Variants in SERGEF observed in about 807,000 individuals in gnomAD.
SERGEF encodes secretion-regulating guanine nucleotide exchange factor.
SERGEF carries 51 observed loss-of-function variants against 50.0 expected under a neutral mutation model. That is an observed-to-expected ratio of 1.02 (90% CI 0.81 to 1.29). SERGEF has a LOEUF of 1.29. Among genes scored for constraint, SERGEF ranks in the 50% most tolerant of loss-of-function variants. The pLI is 0.00. For synonymous variants in SERGEF, 205 were observed against 212.4 expected (o/e 0.97, Z 0.30); for missense variants, 521 against 557.0 (o/e 0.94, Z 0.65).
chr11:17,858,947 C>A (rs1209396733), intron 10 of SERGEF, among the ~76,000 whole-genome samples: 1 of 152,016 alleles, frequency 6.6e-6, no homozygotes, highest in Non-Finnish European at 1.5e-5. Flanking sequence ...GAATAAATAC[C>A]CTGACCTCGT....
chr11:17,945,981 A>G (rs1852651711), intron 9 of SERGEF, among the ~76,000 whole-genome samples: 2 of 152,120 alleles, frequency 1.3e-5, no homozygotes, highest in Non-Finnish European at 2.9e-5. Flanking sequence ...TCCACCTCAA[A>G]AAAACAAAAA....
At chr11:17,992,290 T>C (rs958592971) in intron 7 of SERGEF, among the ~76,000 whole-genome samples, 3 of 152,016 alleles carry the variant, frequency 2.0e-5, no homozygotes, top group Non-Finnish European at 4.4e-5. Context: ...AGATTAGATA[T>C]TACAAAGATT....
chr11:17,839,898 G>A (rs2133861508), intron 10 of SERGEF, among the ~76,000 whole-genome samples: 1 of 152,356 alleles, frequency 6.6e-6, no homozygotes, highest in South Asian at 2.1e-4. Context: ...GCTAGAAGAG[G>A]TGGAGCTGAG....
At chr11:17,952,289 GAATA>G (rs1456764384) in intron 9 of SERGEF, among the ~76,000 whole-genome samples, 1 of 152,090 alleles carries the variant, frequency 6.6e-6, no homozygotes, top group African/African-American at 2.4e-5. Context: ...AACATCTGTT[GAATA>G]AATAAATAAA....
At chr11:17,895,753 C>A (rs553050848) in intron 9 of SERGEF, among the ~76,000 whole-genome samples, 130 of 152,330 alleles carry the variant, frequency 8.5e-4, no homozygotes, top group African/African-American at 2.7e-3. Flanking sequence ...CATAATCCCA[C>A]TGTCCACTTA....
chr11:17,903,370 C>T (rs1851781745), intron 9 of SERGEF, among the ~76,000 whole-genome samples: 1 of 152,112 alleles, frequency 6.6e-6, no homozygotes, highest in South Asian at 2.1e-4. Context: ...AGCTAGAATA[C>T]TAAAGCTGGC....
chr11:17,929,303 G>A (rs1277932484), intron 9 of SERGEF, among the ~76,000 whole-genome samples: 1 of 152,094 alleles, frequency 6.6e-6, no homozygotes, highest in Non-Finnish European at 1.5e-5. Context: ...TCAAATCACT[G>A]ACGCTATTTC....
At chr11:17,978,681 G>C (rs1478896682) in intron 8 of SERGEF, among the ~76,000 whole-genome samples, 2 of 152,166 alleles carry the variant, frequency 1.3e-5, no homozygotes, top group Non-Finnish European at 2.9e-5. Flanking sequence ...TTAAGAGCAA[G>C]GACTATCAGC....
chr11:17,847,999 C>T (rs756927754), intron 10 of SERGEF, among the ~76,000 whole-genome samples: 5 of 152,022 alleles, frequency 3.3e-5, no homozygotes, highest in African/African-American at 1.2e-4. Context: ...AAGCACAATG[C>T]ATAGTCATTA....
chr11:17,803,975 C>T (rs530266615), intron 10 of SERGEF, among the ~76,000 whole-genome samples: 6 of 152,314 alleles, frequency 3.9e-5, no homozygotes, highest in South Asian at 4.1e-4. Context: ...TTTTCTGGCA[C>T]GGTTGCAGTT....
intron 9 of SERGEF, among the ~76,000 whole-genome samples, chr11:17,928,564 G>C (rs1852292213): frequency 6.6e-6 from 1 of 152,044 alleles, no homozygotes; most frequent in South Asian, 2.1e-4. Context: ...AGCTATAGTG[G>C]CCTGCACATA....
chr11:17,897,750 G>A (rs1049828629), intron 9 of SERGEF, among the ~76,000 whole-genome samples: 1 of 152,226 alleles, frequency 6.6e-6, no homozygotes, highest in Non-Finnish European at 1.5e-5. Context: ...AAAGGCTGTG[G>A]TTGGGGTGGA....
At chr11:17,953,321 T>G (rs1852805550) in intron 9 of SERGEF, among the ~76,000 whole-genome samples, 1 of 152,204 alleles carries the variant, frequency 6.6e-6, no homozygotes, top group Non-Finnish European at 1.5e-5. Flanking sequence ...CAGATAGGCA[T>G]ACTCAAGCAT....
intron 8 of SERGEF, among the ~76,000 whole-genome samples, chr11:17,981,954 C>A (rs1332746410): frequency 6.6e-6 from 1 of 152,128 alleles, no homozygotes; most frequent in Admixed American, 6.5e-5. Flanking sequence ...GCACGCACCA[C>A]CACACCCAGA....
At chr11:17,915,309 A>C (rs562766598) in intron 9 of SERGEF, among the ~76,000 whole-genome samples, 1 of 152,308 alleles carries the variant, frequency 6.6e-6, no homozygotes, top group East Asian at 1.9e-4. Flanking sequence ...TTTTGATGGC[A>C]TATTTCCTGC....
intron 9 of SERGEF, among the ~76,000 whole-genome samples, chr11:17,950,219 G>T (rs1313130454): frequency 2.0e-5 from 3 of 152,172 alleles, no homozygotes; most frequent in African/African-American, 7.2e-5. Flanking sequence ...GCTATGCAAG[G>T]TGATGAGGAG....
rs1328223313 is a variant in SERGEF, at chr11:18,010,054, A to AT, written c.61-1979dup. On this transcript the variant is annotated intron_variant, in intron 1 of 10. Transcript: ENST00000265965. ...TCTTACTAAGATTTCAGAAATCTTT[A>AT]TAATTTATTCAAGTACCTACTCCTA... 3.9e-6 allele frequency: 4 copies of AT among 1,030,164 alleles called. No homozygotes were observed. The African/African-American group carries it at 6.7e-5, about 17-fold the overall frequency. The allele number at this position is 1,030,164 out of a possible 1,614,324, so 63.8% of individuals were successfully genotyped here. A position where few individuals can be genotyped will look rare whatever the true frequency, so the allele number is the denominator to read the frequency against.
intron 8 of SERGEF, among the ~76,000 whole-genome samples, chr11:17,970,706 T>C (rs890914169): frequency 2.0e-5 from 3 of 152,152 alleles, no homozygotes; most frequent in Non-Finnish European, 4.4e-5. Flanking sequence ...GAAAGCAAAA[T>C]GGCCTTTTTG....
In SERGEF at chr11:17,954,235, A is replaced by G. The variant is rs141892893; in HGVS notation, c.1011+5235T>C. On this transcript the variant is annotated intron_variant, in intron 9 of 10. Transcript: ENST00000265965. ...GGACTCAGCTGATTGCTGGTGGTAG[A>G]TTTCTGTGTTATTTAGGGCACCAAA... 5.7e-3 allele frequency among the ~76,000 whole-genome samples: 870 copies of G among 152,226 alleles called. 9 individuals are homozygous for G. The highest frequency in any genetic ancestry group is 0.02 in the African/African-American group (822 of 41,522).
Sources: gnomAD v4.1 joint callset for allele counts (sites outside exome capture counted in the v4.1 genomes callset) on GRCh38, gnomAD v4.1.1 for gene constraint, MANE v1.5 for transcripts, NCBI Gene and HGNC (gene_info 2026-07-23, HGNC 2026-07-21) for gene names.